CLINT1: variants seen among roughly 807,000 people sequenced by gnomAD.
CLINT1 encodes the protein clathrin interactor 1, also known as clathrin interacting protein localized in the trans-Golgi region.
CLINT1 carries 15 observed loss-of-function variants against 70.4 expected under a neutral mutation model. The ratio of observed to expected loss-of-function variants is 0.21; its 90% confidence interval spans 0.14 to 0.33. The LOEUF (loss-of-function observed/expected upper bound fraction) is 0.33. Ranked by LOEUF, CLINT1 falls within the 10% of genes least tolerant of loss-of-function variation. The probability of loss-of-function intolerance (pLI) is 1.00; values close to 1 mark genes in which losing one functional copy is unlikely to be tolerated. For missense variants in CLINT1, 615 were observed against 778.1 expected (o/e 0.79, Z 2.49); for synonymous variants, 227 against 254.7 (o/e 0.89, Z 1.04).
intron 8 of CLINT1, among the ~76,000 whole-genome samples, chr5:157,802,670 C>T (rs553257711): frequency 3.9e-5 from 6 of 151,930 alleles, no homozygotes; most frequent in Non-Finnish European, 8.8e-5. Context: ...CTCAGCCTCC[C>T]GAGTAGCTGG....
chr5:157,859,048 T>C lies in CLINT1; in HGVS notation c.-78A>G. 6.5e-7 allele frequency: 1 copy of C among 1,543,092 alleles called. No homozygotes were observed. The highest frequency in any genetic ancestry group is 8.8e-7 in the Non-Finnish European group (1 of 1,131,230). ...CCGGAACACTTCCGTACCGGGGCAG[T>C]TCCAGGCCGGGGTCACCGCCGCCCG... On this transcript the variant is annotated 5_prime_UTR_variant, in exon 1 of 12. Transcript: ENST00000411809.
chr5:157,840,102 G>A (rs1753112251), intron 1 of CLINT1, among the ~76,000 whole-genome samples: 1 of 145,898 alleles, frequency 6.9e-6, no homozygotes, highest in South Asian at 2.1e-4. Flanking sequence ...GGTTAAGGCA[G>A]GAGAATAGCT....
chr5:157,819,481 T>C (rs1762818456), intron 1 of CLINT1, among the ~76,000 whole-genome samples: 1 of 152,210 alleles, frequency 6.6e-6, no homozygotes, highest in African/African-American at 2.4e-5. Context: ...ATGCTTCTAT[T>C]GCAACAGTTT....
At chr5:157,819,414 AC>A (rs1025497177) in intron 1 of CLINT1, among the ~76,000 whole-genome samples, 2 of 151,612 alleles carry the variant, frequency 1.3e-5, no homozygotes, top group Admixed American at 6.6e-5. Flanking sequence ...TCCACTGCCC[AC>A]CCCCCCTTAA....
intron 1 of CLINT1, among the ~76,000 whole-genome samples, chr5:157,821,222 T>A (rs932098137): frequency 2.0e-5 from 3 of 152,102 alleles, no homozygotes; most frequent in African/African-American, 7.2e-5. Context: ...ACCAAAAAAA[T>A]TTTCTGTATA....
chr5:157,834,709 C>T (rs1763362540), intron 1 of CLINT1, among the ~76,000 whole-genome samples: 1 of 152,138 alleles, frequency 6.6e-6, no homozygotes, highest in Admixed American at 6.6e-5. Flanking sequence ...TAGTTTTCAA[C>T]AAAGATGCAA....
intron 1 of CLINT1, among the ~76,000 whole-genome samples, chr5:157,849,077 C>A (rs532030211): frequency 6.6e-6 from 1 of 152,238 alleles, no homozygotes; most frequent in Non-Finnish European, 1.5e-5. Context: ...GGTTTACAAG[C>A]ATGAGCCACC....
At chr5:157,835,485 A>C (rs987801709) in intron 1 of CLINT1, among the ~76,000 whole-genome samples, 6 of 152,114 alleles carry the variant, frequency 3.9e-5, no homozygotes, top group Non-Finnish European at 8.8e-5. Flanking sequence ...CGACTTTATA[A>C]AACATAGCTA....
intron 1 of CLINT1, among the ~76,000 whole-genome samples, chr5:157,847,853 C>G (rs1258216598): frequency 6.6e-6 from 1 of 152,188 alleles, no homozygotes; most frequent in East Asian, 1.9e-4. Flanking sequence ...CCCTCCATTG[C>G]CCAGGCCGGA....
At chr5:157,793,538 A>T (rs1246449932) in intron 9 of CLINT1, among the ~76,000 whole-genome samples, 1 of 152,200 alleles carries the variant, frequency 6.6e-6, no homozygotes, top group African/African-American at 2.4e-5. Context: ...AGATGAAGAG[A>T]TGTATCACTT....
chr5:157,826,228 C>T (rs1481439777), intron 1 of CLINT1, among the ~76,000 whole-genome samples: 2 of 152,108 alleles, frequency 1.3e-5, no homozygotes, highest in African/African-American at 4.8e-5. Flanking sequence ...TGTTAACAAT[C>T]TCCCACATTT....
chr5:157,851,550 T>TTG (rs1019551936), intron 1 of CLINT1, among the ~76,000 whole-genome samples: 3 of 151,870 alleles, frequency 2.0e-5, no homozygotes, highest in Admixed American at 6.6e-5. Context: ...TAGCTGGGTG[T>TTG]TGTGACATGT....
intron 5 of CLINT1, among the ~76,000 whole-genome samples, chr5:157,811,349 C>T (rs1160008422): frequency 6.6e-6 from 1 of 152,016 alleles, no homozygotes; most frequent in East Asian, 1.9e-4. Flanking sequence ...CAAGACCAGC[C>T]TGGCCAACAT....
intron 8 of CLINT1, among the ~76,000 whole-genome samples, chr5:157,800,475 A>C (rs1762177556): frequency 6.6e-6 from 1 of 152,094 alleles, no homozygotes; most frequent in Admixed American, 6.6e-5. Flanking sequence ...ATTTCCTTTC[A>C]CTGCTGAATT....
At chr5:157,831,693 CTTTTT>C (rs35629225) in intron 1 of CLINT1, among the ~76,000 whole-genome samples, 23 of 123,928 alleles carry the variant, frequency 1.9e-4, no homozygotes, top group African/African-American at 5.9e-4. Flanking sequence ...TGAAAATATC[CTTTTT>C]TTTTTTTTTT....
chr5:157,810,072 A>T (rs1762508165), intron 5 of CLINT1, among the ~76,000 whole-genome samples: 1 of 152,212 alleles, frequency 6.6e-6, no homozygotes, highest in Non-Finnish European at 1.5e-5. Context: ...GAAATTCTTA[A>T]AGGCTACTGA....
chr5:157,853,430 C>T (rs1293135061), intron 1 of CLINT1, among the ~76,000 whole-genome samples: 1 of 151,616 alleles, frequency 6.6e-6, no homozygotes, highest in Admixed American at 6.6e-5. Context: ...AAATGGCACT[C>T]AAAATAAAAA....
At chr5:157,818,022 A>G (rs1762773222) in intron 1 of CLINT1, among the ~76,000 whole-genome samples, 1 of 152,226 alleles carries the variant, frequency 6.6e-6, no homozygotes, top group South Asian at 2.1e-4. Flanking sequence ...AATCAAAGAT[A>G]TCTACAGATG....
At chr5:157,821,096 T>C (rs1762869086) in intron 1 of CLINT1, among the ~76,000 whole-genome samples, 1 of 152,160 alleles carries the variant, frequency 6.6e-6, no homozygotes. Context: ...CGGCAACCAT[T>C]ATTATGACCT....
Sources: allele counts gnomAD v4.1 joint callset (sites outside exome capture counted in the v4.1 genomes callset), GRCh38; gene constraint gnomAD v4.1.1; transcripts MANE v1.5; gene names NCBI Gene and HGNC (gene_info 2026-07-23, HGNC 2026-07-21).